The following GLI2 variants were observed in gnomAD, a reference collection of about 807,000 sequenced individuals.
GLI2 encodes transcription activator GLI2.
GLI2 carries 22 observed loss-of-function variants against 78.9 expected under a neutral mutation model. That is an observed-to-expected ratio of 0.28 (90% confidence interval 0.20 to 0.40). The LOEUF is 0.40. Ranked by LOEUF, GLI2 falls within the 10% of genes least tolerant of loss-of-function variation. The pLI, the probability that GLI2 is intolerant of heterozygous loss-of-function variation, is 1.00. For synonymous variants in GLI2, 974 were observed against 963.7 expected, an observed-to-expected ratio of 1.01 and a Z score of -0.20; for missense variants, 2,097 against 2,213.2, an observed-to-expected ratio of 0.95 and a Z score of 1.05.
intron 1 of GLI2, among the ~76,000 whole-genome samples, chr2:120,754,862 T>C: frequency 6.6e-6 from 1 of 151,968 alleles, no homozygotes; most frequent in East Asian, 1.9e-4. Flanking sequence ...TTCTTTTTTT[T>C]TTTTTTTAAG....
intron 2 of GLI2, among the ~76,000 whole-genome samples, chr2:120,802,675 A>G (rs2104707762): frequency 1.3e-5 from 2 of 152,210 alleles, no homozygotes; most frequent in Middle Eastern, 6.8e-3. Flanking sequence ...AGCCTCTGGG[A>G]TAATATGAAA....
chr2:120,783,074 C>T (rs1358594574), intron 1 of GLI2, among the ~76,000 whole-genome samples: 1 of 151,836 alleles, frequency 6.6e-6, no homozygotes, highest in Admixed American at 6.6e-5. Context: ...GATGCAGGCT[C>T]AGGAGAAAGC....
intron 1 of GLI2, among the ~76,000 whole-genome samples, chr2:120,780,533 T>C (rs973545307): frequency 6.6e-6 from 1 of 152,158 alleles, no homozygotes; most frequent in African/African-American, 2.4e-5. Context: ...TTGCTCCCCT[T>C]CCCAGCAGGA....
rs1682390531 is a variant in GLI2 at position 120,975,114 on chromosome 2, GC to G, written c.1317+6del. 1.2e-6 allele frequency: 2 copies of G among 1,613,590 alleles called. No homozygotes were observed. The highest frequency in any genetic ancestry group is 1.7e-6 in the Non-Finnish European group (2 of 1,179,996). On this transcript the variant is annotated splice_donor_region_variant and intron_variant, in intron 9 of 13. Transcript: ENST00000361492. ...ACCCAGGAGCAGCTGGTGCATGTAAGCTTTTGAACCCCAGCAGCCCGCCAAC... is the reference window on the plus strand; with the variant it reads ...ACCCAGGAGCAGCTGGTGCATGTAAGTTTTGAACCCCAGCAGCCCGCCAAC...
At position 120,800,838 on chromosome 2, in the gene GLI2, C is replaced by T. The variant is rs1684675430; in HGVS notation, c.148+3370C>T. Among the ~76,000 whole-genome samples, 3 of 152,142 alleles carry T rather than the reference C, an allele frequency of 2.0e-5. No homozygotes were observed. The highest frequency in any genetic ancestry group is 1.3e-4 in the Admixed American group (2 of 15,274). On this transcript the variant is annotated intron_variant, in intron 2 of 13. Transcript: ENST00000361492. The surrounding 1 kb of genome is among the most constrained non-coding windows in gnomAD (Gnocchi z 4.1). Reference sequence around the variant, plus strand: ...ATGACTTATACGAGCTTAGTGTTTCCTGACTTATTACACATCAGAGAAGGT... The same window carrying T: ...ATGACTTATACGAGCTTAGTGTTTCTTGACTTATTACACATCAGAGAAGGT...
intron 1 of GLI2, among the ~76,000 whole-genome samples, chr2:120,778,295 C>T (rs1293203112): frequency 6.6e-6 from 1 of 152,156 alleles, no homozygotes; most frequent in African/African-American, 2.4e-5. Context: ...GCCCACTCCT[C>T]CTCCTCTTCC....
intron 2 of GLI2, among the ~76,000 whole-genome samples, chr2:120,885,899 C>T (rs570219071): frequency 8.5e-5 from 13 of 152,184 alleles, no homozygotes; most frequent in South Asian, 4.2e-4. Flanking sequence ...CACACAGGGC[C>T]GTGAGCTAAA....
chr2:120,987,937 A>G (rs896732320), intron 13 of GLI2, among the ~76,000 whole-genome samples: 1 of 152,162 alleles, frequency 6.6e-6, no homozygotes, highest in African/African-American at 2.4e-5. Context: ...TTTAATTGAA[A>G]AACCATCTGC....
At chr2:120,944,597 C>T (rs1021075123) in intron 3 of GLI2, among the ~76,000 whole-genome samples, 2 of 152,206 alleles carry the variant, frequency 1.3e-5, no homozygotes. Context: ...CCAACCTTCT[C>T]GAGAACTGAG....
chr2:120,744,365 G>A (rs1232566961), intron 1 of GLI2, among the ~76,000 whole-genome samples: 1 of 152,172 alleles, frequency 6.6e-6, no homozygotes, highest in East Asian at 1.9e-4. Context: ...GGTGCTCTTG[G>A]GCTTGAGAGA....
intron 1 of GLI2, among the ~76,000 whole-genome samples, chr2:120,781,086 C>A (rs1024047038): frequency 6.6e-6 from 1 of 152,208 alleles, no homozygotes; most frequent in Admixed American, 6.5e-5. Flanking sequence ...GCTCCATAGT[C>A]TATAAAAGGA....
intron 1 of GLI2, among the ~76,000 whole-genome samples, chr2:120,739,040 G>A (rs1287921698): frequency 6.6e-6 from 1 of 152,190 alleles, no homozygotes; most frequent in Non-Finnish European, 1.5e-5. Context: ...GGGGCCGCAG[G>A]GCTTCTGGTC....
chr2:120,862,297 A>G (rs1216345838), intron 2 of GLI2, among the ~76,000 whole-genome samples: 1 of 152,222 alleles, frequency 6.6e-6, no homozygotes, highest in Admixed American at 6.5e-5. Context: ...ACAAATGCCT[A>G]CACAGGAAAT....
intron 3 of GLI2, among the ~76,000 whole-genome samples, chr2:120,942,824 G>T (rs139531886): frequency 2.0e-5 from 3 of 147,354 alleles, no homozygotes; most frequent in Non-Finnish European, 4.4e-5. Flanking sequence ...ATTCGTTCAC[G>T]CCCTCACTCA....
At chr2:120,920,420 T>TC (rs1449329610) in intron 2 of GLI2, among the ~76,000 whole-genome samples, 1 of 152,132 alleles carries the variant, frequency 6.6e-6, no homozygotes, top group Admixed American at 6.5e-5. Context: ...CCTCCTTCTC[T>TC]CCCCCAGGAA....
At chr2:120,738,486 C>G (rs1434255181) in intron 1 of GLI2, among the ~76,000 whole-genome samples, 2 of 152,054 alleles carry the variant, frequency 1.3e-5, no homozygotes, top group Non-Finnish European at 2.9e-5. Flanking sequence ...GAGAAATATG[C>G]CAGTTTCACG....
chr2:120,879,339 C>T (rs1311507874), intron 2 of GLI2, among the ~76,000 whole-genome samples: 1 of 152,202 alleles, frequency 6.6e-6, no homozygotes, highest in Non-Finnish European at 1.5e-5. Flanking sequence ...GAGTCAGTTG[C>T]AGCCAGGTCT....
chr2:120,935,987 T>G (rs573467725), intron 3 of GLI2, among the ~76,000 whole-genome samples: 1 of 152,222 alleles, frequency 6.6e-6, no homozygotes, highest in Non-Finnish European at 1.5e-5. Context: ...CAAATCTTGA[T>G]GTGCAGGCCG....
chr2:120,946,145 C>G (rs1250672536), intron 3 of GLI2, among the ~76,000 whole-genome samples: 2 of 152,176 alleles, frequency 1.3e-5, no homozygotes, highest in Admixed American at 6.5e-5. Context: ...GAGAATCACT[C>G]CTCTGCTGGA....
Sources: gnomAD v4.1 joint callset for allele counts (sites outside exome capture counted in the v4.1 genomes callset) on GRCh38, gnomAD v4.1.1 for gene constraint, Gnocchi (gnomAD v3.1) non-coding constraint, MANE v1.5 for transcripts, NCBI Gene and HGNC (gene_info 2026-07-23, HGNC 2026-07-21) for gene names.